Variants in CLASP2 observed in about 807,000 individuals in gnomAD.
CLASP2 encodes the protein cytoplasmic linker associated protein 2, also known as CLIP-associating protein 2.
A neutral mutation model predicts 194.4 loss-of-function variants in CLASP2; 47 were observed. The ratio of observed to expected loss-of-function variants is 0.24; its 90% CI spans 0.19 to 0.31. The LOEUF (loss-of-function observed/expected upper bound fraction) is 0.31. Among genes scored for constraint, CLASP2 ranks in the 10% least tolerant of loss-of-function variants. The probability of loss-of-function intolerance (pLI) is 1.00; values close to 1 mark genes in which losing one functional copy is unlikely to be tolerated. For missense variants in CLASP2, 1,445 were observed against 1,823.6 expected, an observed-to-expected ratio of 0.79 and a Z score of 3.78; for synonymous variants, 619 against 633.5, an observed-to-expected ratio of 0.98 and a Z score of 0.34.
chr3:33,659,478 T>A, intron 7 of CLASP2: 2 of 886,064 alleles, frequency 2.3e-6, no homozygotes, highest in Non-Finnish European at 2.7e-6. Flanking sequence ...TGCGCCTTTT[T>A]AAAAAGGTTT....
chr3:33,572,027 A>G (rs67055067), intron 25 of CLASP2, among the ~76,000 whole-genome samples: 36,814 of 152,176 alleles, frequency 0.24, 4,879 homozygotes, highest in Admixed American at 0.36. Flanking sequence ...TTCCCAATAC[A>G]TGAATTTTAT....
intron 1 of CLASP2, among the ~76,000 whole-genome samples, chr3:33,715,480 T>C (rs1559724495): frequency 6.6e-6 from 1 of 152,194 alleles, no homozygotes; most frequent in African/African-American, 2.4e-5. Flanking sequence ...CTCCTCCTAC[T>C]AGAATCTAAG....
At chr3:33,597,622 T>G (rs528074576) in intron 18 of CLASP2, among the ~76,000 whole-genome samples, 2 of 152,222 alleles carry the variant, frequency 1.3e-5, no homozygotes, top group East Asian at 3.9e-4. Context: ...GAGTGCCTTA[T>G]GTGCCTAATT....
At chr3:33,664,175 T>C (rs1032426000) in intron 6 of CLASP2, among the ~76,000 whole-genome samples, 4 of 152,234 alleles carry the variant, frequency 2.6e-5, no homozygotes, top group Non-Finnish European at 5.9e-5. Flanking sequence ...AAACCACATT[T>C]CTATCATTCA....
intron 21 of CLASP2, among the ~76,000 whole-genome samples, chr3:33,590,605 A>T (rs898097926): frequency 6.6e-6 from 1 of 152,196 alleles, no homozygotes; most frequent in South Asian, 2.1e-4. Context: ...AAGTTTTCCC[A>T]TTCATAAATA....
At chr3:33,576,470 CAA>C (rs2154199294) in intron 23 of CLASP2, 195 bp from the exon 24 acceptor site, 1 of 525,724 alleles carries the variant, frequency 1.9e-6, no homozygotes, top group South Asian at 2.6e-5. Flanking sequence ...AAATTACTGA[CAA>C]TGTGTGAAAA....
chr3:33,604,192 T>A lies in CLASP2; in HGVS notation c.1712A>T (p.Lys571Ile). ...QESLNRPFSS[K>I]WSTANPSTVA... ...AGTTGATGGATTTGCTGTAGACCAT[T>A]TGGAAGAAAAAGGGCGACTGCAAAG... The change falls in exon 17 of 39, where the codon AAA becomes ATA. Residue 571 changes from lysine (K) to isoleucine (I), a missense_variant. By Grantham distance (102) the Lys-to-Ile change is moderately radical. Around this residue, in one of 4 missense-constraint regions of CLASP2, gnomAD observed 174 missense variants for 179.0 expected, o/e 0.97. Coordinates refer to ENST00000682230, the MANE Select transcript of CLASP2 (RefSeq NM_001365631.1). 6.4e-7 allele frequency: 1 copy of A among 1,560,304 alleles called. No homozygotes were observed. The highest frequency in any genetic ancestry group is 1.2e-5 in the South Asian group (1 of 84,448).
intron 8 of CLASP2, 44 bp downstream of exon 8, chr3:33,644,713 G>A: frequency 6.2e-7 from 1 of 1,601,302 alleles, no homozygotes; most frequent in Non-Finnish European, 8.5e-7. Flanking sequence ...GCCATATCAA[G>A]GGCATGGAGC....
intron 7 of CLASP2, chr3:33,659,343 T>A: frequency 9.0e-7 from 1 of 1,106,896 alleles, no homozygotes; most frequent in Non-Finnish European, 1.1e-6. Context: ...ATAAATGCCA[T>A]CCCGCTGGGG....
At chr3:33,547,346 T>C (rs930593917) in intron 30 of CLASP2, among the ~76,000 whole-genome samples, 1 of 152,202 alleles carries the variant, frequency 6.6e-6, no homozygotes, top group Admixed American at 6.5e-5. Flanking sequence ...ATGTAAGACA[T>C]TATTTGCTCT....
At chr3:33,533,060 T>C (rs2056653481) in intron 34 of CLASP2, among the ~76,000 whole-genome samples, 1 of 152,222 alleles carries the variant, frequency 6.6e-6, no homozygotes, top group African/African-American at 2.4e-5. Flanking sequence ...TATAGTACAA[T>C]CAAGGCAAGA....
At chr3:33,581,015 C>CAAAA (rs34304858) in intron 23 of CLASP2, among the ~76,000 whole-genome samples, 58 of 54,086 alleles carry the variant, frequency 1.1e-3, no homozygotes, top group East Asian at 2.8e-3. Flanking sequence ...GACTCCGTCT[C>CAAAA]AAAAAAAAAA....
At chr3:33,598,015 AG>A (rs2070938598) in intron 18 of CLASP2, among the ~76,000 whole-genome samples, 1 of 152,012 alleles carries the variant, frequency 6.6e-6, no homozygotes, top group Non-Finnish European at 1.5e-5. Context: ...GGCCTCCCAA[AG>A]TGCTAGGATT....
At chr3:33,663,197 C>CAAAAAAAAAAAAAAAAAAAAAAACAAA (rs60671856) in intron 7 of CLASP2, among the ~76,000 whole-genome samples, 1 of 100,770 alleles carries the variant, frequency 9.9e-6, no homozygotes. Context: ...GCAGTATCAC[C>CAAAAAAAAAAAAAAAAAAAAAAACAAA]AAAAAAAAAA....
intron 6 of CLASP2, among the ~76,000 whole-genome samples, chr3:33,667,728 C>G (rs1453244687): frequency 1.3e-5 from 2 of 152,072 alleles, no homozygotes; most frequent in Non-Finnish European, 2.9e-5. Flanking sequence ...TATAAAGCAC[C>G]ACTGCTGAAA....
intron 34 of CLASP2, among the ~76,000 whole-genome samples, chr3:33,526,031 A>C (rs915430797): frequency 6.6e-6 from 1 of 150,738 alleles, no homozygotes; most frequent in Non-Finnish European, 1.5e-5. Context: ...GGATTCCTCC[A>C]GCATAGCTGC....
At chr3:33,663,927 A>G (rs913180790) in intron 6 of CLASP2, among the ~76,000 whole-genome samples, 6 of 152,182 alleles carry the variant, frequency 3.9e-5, no homozygotes, top group Non-Finnish European at 8.8e-5. Context: ...ACAATAAAAT[A>G]TAAAATATCA....
At chr3:33,566,772 AG>A (rs1239446632) in intron 26 of CLASP2, 38 bp from the exon 27 acceptor site, 3 of 432,730 alleles carry the variant, frequency 6.9e-6, no homozygotes, top group Non-Finnish European at 1.4e-5. Flanking sequence ...GCATGCAAAA[AG>A]AAAAAAAGAA....
intron 32 of CLASP2, among the ~76,000 whole-genome samples, chr3:33,539,457 C>T (rs1251163537): frequency 1.3e-5 from 2 of 152,072 alleles, no homozygotes; most frequent in Non-Finnish European, 2.9e-5. Flanking sequence ...GCCTCAGCCT[C>T]CCGAGTAGCT....
Sources: allele counts gnomAD v4.1 joint callset (sites outside exome capture counted in the v4.1 genomes callset), GRCh38; gene constraint gnomAD v4.1.1; regional missense constraint gnomAD v4.1.1; transcripts MANE v1.5; gene names NCBI Gene and HGNC (gene_info 2026-07-23, HGNC 2026-07-21).